Variants in TRAF3IP1 observed in about 807,000 individuals in gnomAD.
TRAF3IP1 encodes the protein TRAF3-interacting protein 1.
A neutral mutation model predicts 89.9 loss-of-function variants in TRAF3IP1; 53 were observed. That is an observed-to-expected ratio of 0.59 (90% confidence interval 0.47 to 0.74). TRAF3IP1 has a LOEUF of 0.74. Among genes scored for constraint, TRAF3IP1 ranks in the 30% least tolerant of loss-of-function variants. The pLI is 0.00. For missense variants in TRAF3IP1, 806 were observed against 866.1 expected, an observed-to-expected ratio of 0.93 and a Z score of 0.87; for synonymous variants, 311 against 322.1, an observed-to-expected ratio of 0.97 and a Z score of 0.37.
At chr2:238,391,470 G>A (rs1018530761) in intron 15 of TRAF3IP1, among the ~76,000 whole-genome samples, 1 of 152,194 alleles carries the variant, frequency 6.6e-6, no homozygotes, top group African/African-American at 2.4e-5. Context: ...GGCTTGATGC[G>A]TTCACGCTGC....
chr2:238,364,180 T>C (rs1267115787), intron 15 of TRAF3IP1, among the ~76,000 whole-genome samples: 1 of 152,206 alleles, frequency 6.6e-6, no homozygotes, highest in African/African-American at 2.4e-5. Context: ...TTTTCAATGC[T>C]AAAGAAATGC....
At chr2:238,398,672 G>A in intron 16 of TRAF3IP1, 82 bp from the exon 17 acceptor site, 2 of 1,359,096 alleles carry the variant, frequency 1.5e-6, no homozygotes, top group Non-Finnish European at 1.9e-6. Flanking sequence ...ATTTACTTCT[G>A]TTGTCTTTCA....
intron 15 of TRAF3IP1, among the ~76,000 whole-genome samples, chr2:238,377,030 G>A (rs1700345187): frequency 2.6e-5 from 4 of 152,212 alleles, no homozygotes; most frequent in Middle Eastern, 6.8e-3. Flanking sequence ...CCAGGCAATC[G>A]CACCCAGAGT....
Position 238,344,548 on chromosome 2 carries a change from C to T in TRAF3IP1, c.1211C>T (p.Ala404Val). ...ACTAGTATTTCAGATGATAATTCAG[C>T]TAGTCTGCGGTGTGAGAATATTCAG... is the stretch of plus-strand genomic sequence containing the variant. ...NSTSISDDNS[A>V]SLRCENIQPN... The change falls in exon 9 of 17, where the codon GCT becomes GTT. Residue 404 changes from alanine (A) to valine (V), a missense_variant. Ala to Val is a moderately conservative substitution (Grantham distance 64). Coordinates refer to ENST00000373327, the MANE Select transcript of TRAF3IP1 (RefSeq NM_015650.4). 1 of 1,614,188 alleles carries T rather than the reference C, an allele frequency of 6.2e-7. No homozygotes were observed. Among genetic ancestry groups the T allele is most frequent in the Non-Finnish European group, 8.5e-7 (1 of 1,180,016 alleles).
intron 9 of TRAF3IP1, among the ~76,000 whole-genome samples, chr2:238,346,103 T>G (rs564458319): frequency 6.6e-6 from 1 of 152,266 alleles, no homozygotes; most frequent in Admixed American, 6.5e-5. Context: ...TGAAACTGTG[T>G]CTGCTGCCTG....
intron 15 of TRAF3IP1, among the ~76,000 whole-genome samples, chr2:238,372,697 G>A (rs1700159933): frequency 6.6e-6 from 1 of 152,190 alleles, no homozygotes; most frequent in East Asian, 1.9e-4. Flanking sequence ...CATCCTTGAG[G>A]AATAACCACA....
intron 7 of TRAF3IP1, among the ~76,000 whole-genome samples, chr2:238,334,763 T>C (rs896050965): frequency 3.3e-5 from 5 of 152,204 alleles, no homozygotes; most frequent in Non-Finnish European, 2.9e-5. Context: ...TAATTAGTAA[T>C]GCGTTTGTGA....
rs143008641 is a variant in TRAF3IP1, at chr2:238,383,927, T to C, written c.1690-13532T>C. ...GGGAGGCTTAAGTCTGTCATCTTGC[T>C]CCTTGTTTCACATATCTCCCCTTAT... is the stretch of plus-strand genomic sequence containing the variant. On this transcript the variant is annotated intron_variant, in intron 15 of 16. Transcript: ENST00000373327. Among the ~76,000 whole-genome samples, 368 of 152,368 alleles carry C rather than the reference T, an allele frequency of 2.4e-3. 4 individuals are homozygous for C. Among genetic ancestry groups the C allele is most frequent in the African/African-American group, 8.2e-3 (342 of 41,588 alleles).
At chr2:238,328,604 C>A in intron 3 of TRAF3IP1, 82 bp from the exon 4 acceptor site, 2 of 1,489,980 alleles carry the variant, frequency 1.3e-6, no homozygotes, top group Non-Finnish European at 1.8e-6. Flanking sequence ...CATGAGCTAT[C>A]TTTGAATGGC....
At chr2:238,333,932 A>G in intron 6 of TRAF3IP1, 28 bp from the exon 7 acceptor site, 1 of 1,562,188 alleles carries the variant, frequency 6.4e-7, no homozygotes, top group Non-Finnish European at 8.8e-7. Flanking sequence ...TACATCAATT[A>G]ATTTCTTTTC....
rs1054897332 is a variant in TRAF3IP1, at chr2:238,351,453, C to T, written c.1452-1374C>T. Among the ~76,000 whole-genome samples, 2 of 151,972 alleles carry T rather than the reference C, an allele frequency of 1.3e-5. No homozygotes were observed. The highest frequency in any genetic ancestry group is 2.4e-5 in the African/African-American group (1 of 41,364). On this transcript the variant is annotated intron_variant, in intron 12 of 16. Transcript: ENST00000373327. This position sits in a 1 kb window ranked among gnomAD's most constrained non-coding sequence, Gnocchi z 5.2. ...TCCCTCTGGGCCCGTGACAAGAGGC[C>T]GGTGGGAGGAGCAGCAGCTGCAGCT...
intron 15 of TRAF3IP1, among the ~76,000 whole-genome samples, chr2:238,389,222 C>T (rs2106375343): frequency 6.6e-6 from 1 of 152,162 alleles, no homozygotes; most frequent in South Asian, 2.1e-4. Flanking sequence ...AAAGACCAGA[C>T]TTCTGAGACA....
At chr2:238,354,914 G>T (rs781425306) in intron 14 of TRAF3IP1, among the ~76,000 whole-genome samples, 2 of 151,064 alleles carry the variant, frequency 1.3e-5, no homozygotes, top group East Asian at 3.9e-4. Context: ...CTCCCAAAGC[G>T]CTGGTATTAC....
chr2:238,321,331 G>A (rs1213779856), intron 1 of TRAF3IP1, among the ~76,000 whole-genome samples: 1 of 152,238 alleles, frequency 6.6e-6, no homozygotes, highest in African/African-American at 2.4e-5. Context: ...CACGTGGAAG[G>A]CACTCCCTAA....
At chr2:238,381,625 C>T (rs933604674) in intron 15 of TRAF3IP1, among the ~76,000 whole-genome samples, 10 of 152,190 alleles carry the variant, frequency 6.6e-5, no homozygotes, top group Non-Finnish European at 1.3e-4. Context: ...CCCTTGTAGA[C>T]ACCACCCTGA....
At chr2:238,323,079 CA>C (rs1362718737) in intron 1 of TRAF3IP1, among the ~76,000 whole-genome samples, 4 of 131,584 alleles carry the variant, frequency 3.0e-5, no homozygotes. Context: ...TTATTGTTCA[CA>C]ATTTTTTTTT....
rs147591762 is a variant in TRAF3IP1, at chr2:238,393,473, C to T, written c.1690-3986C>T. 4.3e-4 allele frequency among the ~76,000 whole-genome samples: 66 copies of T among 152,244 alleles called. 1 individual carries two copies. The highest frequency in any genetic ancestry group is 1.5e-3 in the African/African-American group (64 of 41,562). On this transcript the variant is annotated intron_variant, in intron 15 of 16. Coordinates refer to ENST00000373327, the MANE Select transcript of TRAF3IP1 (RefSeq NM_015650.4). ...TGATTTGCAGTTGTTTTTGCTCATT[C>T]TGTGACTTACCTTTGCGGCTTCTTC...
At chr2:238,341,532 CTTTT>C (rs781399446) in intron 8 of TRAF3IP1, among the ~76,000 whole-genome samples, 47 of 110,252 alleles carry the variant, frequency 4.3e-4, no homozygotes, top group African/African-American at 2.2e-3. Flanking sequence ...TTTTTCTATT[CTTTT>C]TTTTTTTTTT....
rs1425255419 is a variant in TRAF3IP1 at position 238,320,696 on chromosome 2, G to T, written c.34G>T (p.Ala12Ser). The change falls in exon 1 of 17, where the codon GCG becomes TCG. Residue 12 changes from alanine (A) to serine (S), a missense_variant. Around this residue, in one of 3 missense-constraint regions of TRAF3IP1, gnomAD observed 732 missense variants for 780.5 expected, o/e 0.94. Transcript: ENST00000373327. The part of the protein sequence containing the change: ...NAAVVRRTQE[A>S]LGKVIRRPPL... Reference sequence around the variant, plus strand: ...GGCGGTGGTGAGGCGGACGCAGGAGGCGCTGGGGAAAGTGATTCGGAGGCC... The same window carrying T: ...GGCGGTGGTGAGGCGGACGCAGGAGTCGCTGGGGAAAGTGATTCGGAGGCC... 1 of 1,431,906 alleles carries T rather than the reference G, an allele frequency of 7.0e-7. No individual in the cohort carries two copies. Among genetic ancestry groups the T allele is most frequent in the Admixed American group, 2.4e-5 (1 of 41,084 alleles). The allele number at this position is 1,431,906 out of a possible 1,614,324, so 88.7% of individuals were successfully genotyped here.
Sources: allele counts gnomAD v4.1 joint callset (sites outside exome capture counted in the v4.1 genomes callset), GRCh38; gene constraint gnomAD v4.1.1; regional missense constraint gnomAD v4.1.1; non-coding constraint Gnocchi (gnomAD v3.1); transcripts MANE v1.5; gene names NCBI Gene and HGNC (gene_info 2026-07-23, HGNC 2026-07-21).